CEP164: variants seen among roughly 807,000 people sequenced by gnomAD.
The protein encoded by CEP164 is centrosomal protein of 164 kDa.
A neutral mutation model predicts 182.7 loss-of-function variants in CEP164; 162 were observed. The ratio of observed to expected loss-of-function variants is 0.89; its 90% CI spans 0.78 to 1.01. The LOEUF (loss-of-function observed/expected upper bound fraction) is 1.01. Ranked by LOEUF, CEP164 falls within the 50% of genes least tolerant of loss-of-function variation. CEP164 has a pLI of 0.00. For missense variants in CEP164, 1,735 were observed against 1,790.4 expected (o/e 0.97, Z 0.56); for synonymous variants, 661 against 690.0 (o/e 0.96, Z 0.66).
intron 12 of CEP164, among the ~76,000 whole-genome samples, chr11:117,380,981 A>G (rs1263978994): frequency 1.3e-5 from 2 of 152,192 alleles, no homozygotes; most frequent in Non-Finnish European, 2.9e-5. Flanking sequence ...ACTGGGTACA[A>G]TTGGCAGGAC....
chr11:117,374,835 TTGTC>T (rs1283564066), intron 10 of CEP164, among the ~76,000 whole-genome samples: 1 of 152,126 alleles, frequency 6.6e-6, no homozygotes, highest in Non-Finnish European at 1.5e-5. Context: ...GGACCAGACT[TTGTC>T]TGGGCGTCCC....
At chr11:117,383,061 A>G in intron 14 of CEP164, 119 bp downstream of exon 14, 1 of 1,152,676 alleles carries the variant, frequency 8.7e-7, no homozygotes. Context: ...GTTAGAGTGT[A>G]GGGAGATTAA....
In CEP164 at chr11:117,378,135, C is replaced by T. The variant is rs1244551607; in HGVS notation, c.1317+2344C>T. ...CTGCCCGCCTTGGCCCCCCAAAGTG[C>T]TGGGATTACAGGCATGAGCCACCGT... On this transcript the variant is annotated intron_variant, in intron 11 of 32. Coordinates refer to ENST00000278935, the MANE Select transcript of CEP164 (RefSeq NM_014956.5). Among the ~76,000 whole-genome samples, 12 of 152,098 alleles carry T rather than the reference C, an allele frequency of 7.9e-5. 1 individual carries two copies. Among genetic ancestry groups the T allele is most frequent in the Admixed American group, 7.9e-4 (12 of 15,270 alleles).
Position 117,336,895 on chromosome 11 carries a change from A to G in CEP164, c.-22+1215A>G, listed in dbSNP as rs2037225107. 1.3e-5 allele frequency among the ~76,000 whole-genome samples: 2 copies of G among 151,936 alleles called. 1 individual carries two copies. Among genetic ancestry groups the G allele is most frequent in the South Asian group, 4.2e-4 (2 of 4,802 alleles). ...TCTGAGCAGGTCTGTGTGTGGCAGC[A>G]GTTTCCCAGGCGACTTCCTTCATCA... On this transcript the variant is annotated intron_variant, in intron 2 of 32. Transcript: ENST00000278935.
intron 1 of CEP164, chr11:117,328,353 A>C (rs941220159): frequency 6.6e-6 from 1 of 152,288 alleles, no homozygotes; most frequent in Non-Finnish European, 1.5e-5. Context: ...CCCGGGTCCA[A>C]ATCCGGGGCT....
intron 17 of CEP164, among the ~76,000 whole-genome samples, chr11:117,391,528 G>C (rs1445828303): frequency 6.6e-6 from 1 of 152,090 alleles, no homozygotes; most frequent in Non-Finnish European, 1.5e-5. Flanking sequence ...AGGCTTGAGG[G>C]AGAGCGTCCT....
chr11:117,405,811 G>C (rs1409984699), intron 27 of CEP164, among the ~76,000 whole-genome samples: 3 of 152,204 alleles, frequency 2.0e-5, no homozygotes, highest in Admixed American at 6.5e-5. Context: ...TCTAGGGCTG[G>C]AGCAAAATGC....
At chr11:117,397,458 C>T (rs545499186) in intron 27 of CEP164, 145 bp downstream of exon 27, 1 of 668,604 alleles carries the variant, frequency 1.5e-6, no homozygotes, top group Non-Finnish European at 2.6e-6. Context: ...CTTATATTTA[C>T]TTGGCAATGC....
intron 7 of CEP164, among the ~76,000 whole-genome samples, chr11:117,362,745 G>A (rs1016011806): frequency 2.6e-5 from 4 of 151,646 alleles, no homozygotes; most frequent in Non-Finnish European, 4.4e-5. Flanking sequence ...GCACTCCCCC[G>A]CCGCCACTAT....
rs1036917934 is a variant in CEP164, at chr11:117,356,728, C to T, written c.393+4740C>T. The T allele has an allele frequency of 4.6e-6, 5 of 1,081,598 alleles. No homozygotes were observed. In the African/African-American group the frequency reaches 5.1e-5, roughly 11 times the overall value. 67.0% of individuals were successfully genotyped at this position (1,081,598 alleles called of 1,614,324 possible). On this transcript the variant is annotated intron_variant, in intron 5 of 32. Transcript: ENST00000278935. ...GCCTGCATTCCTGTTACCCACCCTA[C>T]CGTGGTAACTATTGGCCCTTTAACT...
intron 14 of CEP164, chr11:117,386,539 C>G (rs1462984663): frequency 6.6e-6 from 1 of 152,506 alleles, no homozygotes; most frequent in Non-Finnish European, 1.5e-5. Flanking sequence ...AAAACGTGCC[C>G]CCATGGGTAG....
chr11:117,395,709 CAG>C lies in CEP164; in HGVS notation c.3078_3079del (p.Lys1027ThrfsTer8). ...GCTGCAGGCTCAGAGCCAGCAACTGCAGAAACACTTCAGGTGGCGTGGGCACC... is the reference window on the plus strand; with the variant it reads ...GCTGCAGGCTCAGAGCCAGCAACTGCAAACACTTCAGGTGGCGTGGGCACC... ...DLLQAQSQQL[Q>X]KHFSSLEAEA... On this transcript the variant is annotated frameshift_variant, in exon 24 of 33. Transcript: ENST00000278935. LOFTEE classifies it high-confidence loss of function. 1.9e-6 allele frequency: 3 copies of C among 1,611,056 alleles called. No individual in the cohort carries two copies. Among genetic ancestry groups the C allele is most frequent in the Non-Finnish European group, 2.5e-6 (3 of 1,179,052 alleles).
intron 20 of CEP164, among the ~76,000 whole-genome samples, chr11:117,393,591 C>T (rs1370415369): frequency 6.6e-6 from 1 of 152,152 alleles, no homozygotes; most frequent in East Asian, 1.9e-4. Flanking sequence ...TAAGTAGCTT[C>T]CCAAGATCAC....
chr11:117,345,091 A>G (rs1387061427), intron 4 of CEP164, among the ~76,000 whole-genome samples: 1 of 152,218 alleles, frequency 6.6e-6, no homozygotes, highest in African/African-American at 2.4e-5. Context: ...GAATTGATGT[A>G]ACCTATTCAT....
In CEP164 at chr11:117,411,837, T is replaced by C; in HGVS notation, c.4206T>C (p.Pro1402=). The change falls in exon 32 of 33, where the codon CCT becomes CCC. Residue 1402 remains proline (P), a synonymous_variant. Transcript: ENST00000278935. The surrounding 1 kb of genome is among the most constrained non-coding windows in gnomAD (Gnocchi z 4.4). ...TACAGCACTCCCATTCGCAAGTCCCTGAGGCGGGCAGCACCACCTTTCAGG... is the reference window on the plus strand; with the variant it reads ...TACAGCACTCCCATTCGCAAGTCCCCGAGGCGGGCAGCACCACCTTTCAGG... ...RLLQHSHSQV[P]EAGSTTFQGI... 1 of 1,614,160 alleles carries C rather than the reference T, an allele frequency of 6.2e-7. No individual in the cohort carries two copies. The highest frequency in any genetic ancestry group is 8.5e-7 in the Non-Finnish European group (1 of 1,180,034).
intron 5 of CEP164, among the ~76,000 whole-genome samples, chr11:117,359,933 A>G (rs546752736): frequency 6.6e-6 from 1 of 152,284 alleles, no homozygotes; most frequent in African/African-American, 2.4e-5. Context: ...GTCTGTGAGT[A>G]GCGGGAGGTC....
chr11:117,328,074 A>G (rs950009377), intron 1 of CEP164, 170 bp downstream of exon 1: 6 of 152,318 alleles, frequency 3.9e-5, no homozygotes, highest in African/African-American at 9.6e-5. Flanking sequence ...TCTCGAGCCA[A>G]CGAGCGTGAT....
chr11:117,328,980 C>T (rs1021521421), intron 1 of CEP164, among the ~76,000 whole-genome samples: 1 of 152,332 alleles, frequency 6.6e-6, no homozygotes, highest in South Asian at 2.1e-4. Flanking sequence ...CTCACAGACA[C>T]TGACTTAGTT....
intron 2 of CEP164, among the ~76,000 whole-genome samples, chr11:117,335,996 T>C (rs1483103195): frequency 6.6e-6 from 1 of 151,712 alleles, no homozygotes; most frequent in Admixed American, 6.6e-5. Flanking sequence ...ATCTGATCTA[T>C]CCAAGCAGCA....
Sources: allele counts gnomAD v4.1 joint callset (sites outside exome capture counted in the v4.1 genomes callset), GRCh38; gene constraint gnomAD v4.1.1; non-coding constraint Gnocchi (gnomAD v3.1); transcripts MANE v1.5; gene names NCBI Gene and HGNC (gene_info 2026-07-23, HGNC 2026-07-21).